USP25: variants seen among roughly 807,000 people sequenced by gnomAD.
The protein encoded by USP25 is ubiquitin specific peptidase 25.
Under a neutral mutation model 158.5 loss-of-function variants are expected in USP25, and 85 were observed. The ratio of observed to expected loss-of-function variants is 0.54; its 90% confidence interval spans 0.45 to 0.64. The LOEUF is 0.64. Ranked by LOEUF, USP25 falls within the 30% of genes least tolerant of loss-of-function variation. The probability of loss-of-function intolerance (pLI) is 0.00; values close to 1 mark genes in which losing one functional copy is unlikely to be tolerated. For missense variants in USP25, 1,242 were observed against 1,327.3 expected (o/e 0.94, Z 1.00); for synonymous variants, 464 against 460.4 (o/e 1.01, Z -0.10).
intron 15 of USP25, among the ~76,000 whole-genome samples, chr21:15,830,909 A>C (rs1026837911): frequency 6.6e-6 from 1 of 152,154 alleles, no homozygotes; most frequent in Non-Finnish European, 1.5e-5. Flanking sequence ...TCAAAAGGCT[A>C]TAGCATCTTT....
At chr21:15,848,727 A>G (rs1042626628) in intron 19 of USP25, among the ~76,000 whole-genome samples, 3 of 152,164 alleles carry the variant, frequency 2.0e-5, no homozygotes, top group Admixed American at 6.6e-5. Flanking sequence ...TCACTGTACC[A>G]GTGTAAGAAA....
intron 3 of USP25, among the ~76,000 whole-genome samples, chr21:15,775,164 G>A (rs899688307): frequency 5.3e-5 from 8 of 152,012 alleles, no homozygotes; most frequent in Admixed American, 3.9e-4. Flanking sequence ...AATATATTTG[G>A]GGAAAAAACA....
chr21:15,815,455 C>T (rs1247486867), intron 9 of USP25, among the ~76,000 whole-genome samples: 3 of 152,176 alleles, frequency 2.0e-5, no homozygotes, highest in Non-Finnish European at 2.9e-5. Context: ...AAGCTGCAGA[C>T]ACTCAACACC....
At chr21:15,831,828 A>G (rs1601064137) in intron 16 of USP25, among the ~76,000 whole-genome samples, 199 bp downstream of exon 16, 1 of 152,222 alleles carries the variant, frequency 6.6e-6, no homozygotes, top group Non-Finnish European at 1.5e-5. Flanking sequence ...CAAGTCAACT[A>G]TTAAAGGTAA....
intron 17 of USP25, among the ~76,000 whole-genome samples, chr21:15,836,874 A>C (rs544935930): frequency 1.4e-5 from 2 of 142,050 alleles, no homozygotes; most frequent in African/African-American, 5.3e-5. Flanking sequence ...AACTTACCTG[A>C]ATACTGTTGT....
intron 9 of USP25, among the ~76,000 whole-genome samples, chr21:15,814,113 G>C (rs2036813365): frequency 6.7e-6 from 1 of 149,462 alleles, no homozygotes; most frequent in South Asian, 2.2e-4. Context: ...AAATGAGGTA[G>C]AAGTAAAAGT....
chr21:15,791,415 AT>A lies in USP25; in HGVS notation c.393-86del, dbSNP rs912844694. 1.8e-5 allele frequency: 23 copies of A among 1,308,396 alleles called. No homozygotes were observed. The African/African-American group carries it at 2.6e-4, about 15-fold the overall frequency. 81.0% of individuals were successfully genotyped at this position (1,308,396 alleles called of 1,614,324 possible). A position where few individuals can be genotyped will look rare whatever the true frequency, so the allele number is the denominator to read the frequency against. ...TCTTCAAATACATTATTGAAATCTT[AT>A]GTAATGAAAATGCTTTTAGAATGTG... On this transcript the variant is annotated intron_variant, in intron 4 of 25. Coordinates refer to ENST00000400183, the MANE Select transcript of USP25 (RefSeq NM_001283041.3).
chr21:15,745,473 C>CTTTTTTTTTTTTTTTTTTTTTTTCTTTT (rs11284817), intron 1 of USP25, among the ~76,000 whole-genome samples: 1 of 112,988 alleles, frequency 8.9e-6, no homozygotes, highest in African/African-American at 3.6e-5. Flanking sequence ...TTTTTCTTTT[C>CTTTTTTTTTTTTTTTTTTTTTTTCTTTT]TTTTTTTTTT....
intron 4 of USP25, among the ~76,000 whole-genome samples, chr21:15,790,868 G>C (rs563475375): frequency 1.4e-4 from 21 of 151,828 alleles, no homozygotes; most frequent in Non-Finnish European, 2.8e-4. Context: ...ATTTTGGAAA[G>C]GTTAACTATC....
intron 10 of USP25, 75 bp from the exon 11 acceptor site, chr21:15,823,964 A>AT: frequency 6.9e-7 from 1 of 1,445,762 alleles, no homozygotes; most frequent in Non-Finnish European, 9.5e-7. Flanking sequence ...CAGTGCCCAC[A>AT]TCCTGTGCCT....
At chr21:15,863,252 A>T (rs1216687303) in intron 20 of USP25, among the ~76,000 whole-genome samples, 2 of 151,990 alleles carry the variant, frequency 1.3e-5, no homozygotes, top group Non-Finnish European at 2.9e-5. Flanking sequence ...GTTATTTCCC[A>T]TTATTATTTG....
intron 5 of USP25, among the ~76,000 whole-genome samples, chr21:15,794,657 A>G (rs145034468): frequency 5.8e-4 from 88 of 151,502 alleles, no homozygotes; most frequent in African/African-American, 2.0e-3. Flanking sequence ...TTTTACTCCT[A>G]TTGTAGATCT....
chr21:15,746,552 A>G (rs897231878), intron 1 of USP25, among the ~76,000 whole-genome samples: 1 of 151,732 alleles, frequency 6.6e-6, no homozygotes, highest in Non-Finnish European at 1.5e-5. Flanking sequence ...GTGCCACCAC[A>G]CCCGGCTAAT....
chr21:15,858,554 G>C (rs975773015), intron 20 of USP25, among the ~76,000 whole-genome samples: 1 of 150,982 alleles, frequency 6.6e-6, no homozygotes, highest in Non-Finnish European at 1.5e-5. Context: ...TGAACTCTTT[G>C]TTTTCTAATG....
chr21:15,771,826 T>G (rs928265041), intron 3 of USP25, among the ~76,000 whole-genome samples: 1 of 152,180 alleles, frequency 6.6e-6, no homozygotes, highest in Non-Finnish European at 1.5e-5. Context: ...TCTCAAACTC[T>G]TCACTACCCA....
intron 10 of USP25, among the ~76,000 whole-genome samples, chr21:15,820,266 A>C (rs1256346677): frequency 6.6e-6 from 1 of 152,052 alleles, no homozygotes; most frequent in African/African-American, 2.4e-5. Flanking sequence ...GAGTAGCTGA[A>C]ATACACTATG....
At chr21:15,730,715 A>G (rs938427985) in intron 1 of USP25, among the ~76,000 whole-genome samples, 5 of 152,230 alleles carry the variant, frequency 3.3e-5, no homozygotes, top group African/African-American at 1.2e-4. Flanking sequence ...TCACATTCCT[A>G]CAGTGCTCTG....
At chr21:15,767,197 C>T (rs1350003553) in intron 3 of USP25, among the ~76,000 whole-genome samples, 5 of 152,044 alleles carry the variant, frequency 3.3e-5, no homozygotes, top group Non-Finnish European at 5.9e-5. Flanking sequence ...TCCTGTCATT[C>T]AACACTGTGA....
chr21:15,811,789 G>T (rs1054956418), intron 9 of USP25, among the ~76,000 whole-genome samples: 5 of 152,138 alleles, frequency 3.3e-5, no homozygotes, highest in African/African-American at 9.7e-5. Context: ...TAACAAGGGA[G>T]GAGACTCTTT....
Sources: gnomAD v4.1 joint callset for allele counts (sites outside exome capture counted in the v4.1 genomes callset) on GRCh38, gnomAD v4.1.1 for gene constraint, MANE v1.5 for transcripts, NCBI Gene and HGNC (gene_info 2026-07-23, HGNC 2026-07-21) for gene names.